Variants in TMPRSS3 observed in about 807,000 individuals in gnomAD.
TMPRSS3 encodes the protein transmembrane serine protease 3.
TMPRSS3 carries 55 observed loss-of-function variants against 59.6 expected under a neutral mutation model. The ratio of observed to expected loss-of-function variants is 0.92; its 90% CI spans 0.74 to 1.16. TMPRSS3 has a LOEUF of 1.16. Among genes scored for constraint, TMPRSS3 ranks in the 50% most tolerant of loss-of-function variants. The pLI is 0.00. For synonymous variants in TMPRSS3, 257 were observed against 237.7 expected (o/e 1.08, Z -0.75); for missense variants, 596 against 579.4 (o/e 1.03, Z -0.29).
intron 11 of TMPRSS3, among the ~76,000 whole-genome samples, chr21:42,376,162 C>T (rs1243178817): frequency 6.6e-6 from 1 of 152,154 alleles, no homozygotes; most frequent in Non-Finnish European, 1.5e-5. Context: ...AGGGAGGGTC[C>T]ACCTGGCCAG....
intron 10 of TMPRSS3, among the ~76,000 whole-genome samples, chr21:42,378,195 C>T (rs1321912563): frequency 6.6e-6 from 1 of 152,258 alleles, no homozygotes; most frequent in Non-Finnish European, 1.5e-5. Flanking sequence ...TGTGAGTGCC[C>T]TCGGCCAGGT....
chr21:42,381,731 C>G, intron 9 of TMPRSS3: 1 of 451,928 alleles, frequency 2.2e-6, no homozygotes. Flanking sequence ...CTGGCAGAGT[C>G]ATCAGTGCAT....
In TMPRSS3 at chr21:42,389,910, T is replaced by C; in HGVS notation, c.205+17A>G. Reference sequence around the variant, plus strand: ...GCTAGGTATTTGAGATCCTACTAAATAATGAATTGTACTCACTGCCCAGAC... The same window carrying C: ...GCTAGGTATTTGAGATCCTACTAAACAATGAATTGTACTCACTGCCCAGAC... On this transcript the variant is annotated intron_variant, in intron 3 of 12. Coordinates refer to ENST00000644384, the MANE Select transcript of TMPRSS3 (RefSeq NM_001256317.3). The C allele has an allele frequency of 6.4e-7, 1 of 1,571,858 alleles. No homozygotes were observed. Among genetic ancestry groups the C allele is most frequent in the Non-Finnish European group, 8.8e-7 (1 of 1,141,268 alleles).
chr21:42,377,621 G>A (rs1016375010), intron 10 of TMPRSS3, among the ~76,000 whole-genome samples: 5 of 152,022 alleles, frequency 3.3e-5, no homozygotes, highest in African/African-American at 1.2e-4. Flanking sequence ...GCACGCCCCC[G>A]ACACCGAGGG....
At chr21:42,373,847 G>T (rs1284497948) in intron 12 of TMPRSS3, among the ~76,000 whole-genome samples, 2 of 152,276 alleles carry the variant, frequency 1.3e-5, no homozygotes, top group East Asian at 3.9e-4. Flanking sequence ...TTGTGAGCGG[G>T]CTCCCCAGAC....
chr21:42,376,513 G>C, intron 11 of TMPRSS3, 28 bp downstream of exon 11: 1 of 1,611,774 alleles, frequency 6.2e-7, no homozygotes, highest in Non-Finnish European at 8.5e-7. Context: ...ACCCTGCCAC[G>C]GCCTCGCCCA....
In TMPRSS3 at chr21:42,383,071, C is replaced by T. The variant is rs369903582; in HGVS notation, c.744G>A (p.Thr248=). The change falls in exon 8 of 13, where the codon ACG becomes ACA. Residue 248 remains threonine, a synonymous_variant. Transcript: ENST00000644384. ...GYHLCGGSVI[T]PLWIITAAHC... is the part of the protein sequence containing the mutation. ...GTGCAGCAGTGATGATCCACAGGGGCGTGATGACAGAGCCCCCGCACAGGT... is the reference window on the plus strand; with the variant it reads ...GTGCAGCAGTGATGATCCACAGGGGTGTGATGACAGAGCCCCCGCACAGGT... 3.2e-5 allele frequency: 52 copies of T among 1,614,034 alleles called. No individual in the cohort carries two copies. Among genetic ancestry groups the T allele is most frequent in the Middle Eastern group, 1.6e-4 (1 of 6,084 alleles).
intron 3 of TMPRSS3, among the ~76,000 whole-genome samples, chr21:42,389,581 G>A (rs142354408): frequency 2.1e-4 from 32 of 152,338 alleles, no homozygotes; most frequent in African/African-American, 6.3e-4. Flanking sequence ...CAGCTGGTGC[G>A]CCTGCATTGC....
Position 42,388,554 on chromosome 21 carries a change from A to T in TMPRSS3, c.323-28T>A. On this transcript the variant is annotated intron_variant, in intron 4 of 12. Transcript: ENST00000644384. This position sits in a 1 kb window ranked among gnomAD's most constrained non-coding sequence, Gnocchi z 5.1. ...GGCCGATGTGCAGAAAGAAAGGCTTATTAGTGGCCAGTGGAACCCTGAGAC... is the reference window on the plus strand; with the variant it reads ...GGCCGATGTGCAGAAAGAAAGGCTTTTTAGTGGCCAGTGGAACCCTGAGAC... The T allele has an allele frequency of 6.2e-7, 1 of 1,614,172 alleles. No homozygotes were observed. Among genetic ancestry groups the T allele is most frequent in the Non-Finnish European group, 8.5e-7 (1 of 1,180,028 alleles).
chr21:42,384,121 C>G (rs1208144140), intron 6 of TMPRSS3, 108 bp from the exon 7 acceptor site: 3 of 1,047,488 alleles, frequency 2.9e-6, no homozygotes, highest in Non-Finnish European at 4.3e-6. Flanking sequence ...CTATTTCCCC[C>G]TCTTTGAATA....
intron 12 of TMPRSS3, among the ~76,000 whole-genome samples, chr21:42,374,238 C>T (rs1440741872): frequency 6.6e-6 from 1 of 152,202 alleles, no homozygotes; most frequent in African/African-American, 2.4e-5. Flanking sequence ...GGCCAGGCTG[C>T]CTCTCCCAGC....
intron 6 of TMPRSS3, among the ~76,000 whole-genome samples, 154 bp downstream of exon 6, chr21:42,385,255 G>A (rs1471039494): frequency 6.6e-6 from 1 of 151,614 alleles, no homozygotes; most frequent in Non-Finnish European, 1.5e-5. Flanking sequence ...CCAGCCTGGC[G>A]CATCCACCAG....
At chr21:42,379,580 C>T (rs1299271026) in intron 10 of TMPRSS3, among the ~76,000 whole-genome samples, 1 of 152,122 alleles carries the variant, frequency 6.6e-6, no homozygotes, top group East Asian at 1.9e-4. Context: ...GACTCATGAC[C>T]AGCTCTGTAC....
At chr21:42,385,700 C>T (rs2052624426) in intron 5 of TMPRSS3, among the ~76,000 whole-genome samples, 166 bp from the exon 6 acceptor site, 1 of 152,184 alleles carries the variant, frequency 6.6e-6, no homozygotes, top group Non-Finnish European at 1.5e-5. Flanking sequence ...GTTCACTCAC[C>T]CTGGCAAGGC....
At chr21:42,393,844 C>G (rs2052764818) in intron 2 of TMPRSS3, among the ~76,000 whole-genome samples, 1 of 152,110 alleles carries the variant, frequency 6.6e-6, no homozygotes, top group Admixed American at 6.5e-5. Context: ...GGGGGTGGGC[C>G]AGATTTGACC....
Position 42,372,664 on chromosome 21 carries a change from T to A in TMPRSS3, c.*98A>T. 1 of 1,257,226 alleles carries A rather than the reference T, an allele frequency of 8.0e-7. No individual in the cohort carries two copies. The highest frequency in any genetic ancestry group is 1.2e-6 in the Non-Finnish European group (1 of 854,772). 77.9% of individuals were successfully genotyped at this position (1,257,226 alleles called of 1,614,324 possible). On this transcript the variant is annotated 3_prime_UTR_variant, in exon 13 of 13. Coordinates refer to ENST00000644384, the MANE Select transcript of TMPRSS3 (RefSeq NM_001256317.3). ...GTGCCGGAACTCAGAGCTCCAAGGG[T>A]GTCTGCTCGTGTGCAGGTTCCTACA...
intron 2 of TMPRSS3, among the ~76,000 whole-genome samples, chr21:42,392,931 T>G (rs745849186): frequency 1.3e-5 from 2 of 152,250 alleles, no homozygotes; most frequent in Non-Finnish European, 2.9e-5. Flanking sequence ...GCCCCACGCC[T>G]CCTCTGTGCT....
At chr21:42,392,520 C>T (rs986598784) in intron 2 of TMPRSS3, among the ~76,000 whole-genome samples, 1 of 152,076 alleles carries the variant, frequency 6.6e-6, no homozygotes, top group African/African-American at 2.4e-5. Context: ...ATACCTAGAA[C>T]AGCAGGGGAC....
At chr21:42,375,895 T>A in intron 11 of TMPRSS3, 27 bp from the exon 12 acceptor site, 1 of 1,612,402 alleles carries the variant, frequency 6.2e-7, no homozygotes, top group Non-Finnish European at 8.5e-7. Flanking sequence ...AAGCAAAGAT[T>A]GGGGGACAGT....
Sources: allele counts gnomAD v4.1 joint callset (sites outside exome capture counted in the v4.1 genomes callset), GRCh38; gene constraint gnomAD v4.1.1; non-coding constraint Gnocchi (gnomAD v3.1); transcripts MANE v1.5; gene names NCBI Gene and HGNC (gene_info 2026-07-23, HGNC 2026-07-21).